NEDD4L: variants seen among roughly 807,000 people sequenced by gnomAD.
NEDD4L encodes the protein E3 ubiquitin-protein ligase NEDD4-like.
In NEDD4L, 54 loss-of-function variants were observed where a neutral mutation model predicts 148.9. The observed-to-expected ratio is 0.36, with a 90% CI of 0.29 to 0.45. The LOEUF (loss-of-function observed/expected upper bound fraction) is 0.45, where lower values mean the gene tolerates loss of function less well. Ranked by LOEUF, NEDD4L falls within the 20% of genes least tolerant of loss-of-function variation. The pLI is 1.00. For synonymous variants in NEDD4L, 433 were observed against 440.7 expected (o/e 0.98, Z 0.22); for missense variants, 856 against 1,233.8 (o/e 0.69, Z 4.59).
chr18:58,112,368 A>C (rs1599356161), intron 1 of NEDD4L, among the ~76,000 whole-genome samples: 2 of 69,276 alleles, frequency 2.9e-5, no homozygotes, highest in South Asian at 7.4e-4. Context: ...GTCTTTATTT[A>C]TTTATTTATT....
intron 2 of NEDD4L, among the ~76,000 whole-genome samples, chr18:58,178,401 G>A (rs990074828): frequency 5.9e-5 from 9 of 152,064 alleles, no homozygotes; most frequent in Non-Finnish European, 1.2e-4. Context: ...AAAAATGAAT[G>A]CAATTGTGAA....
intron 30 of NEDD4L, among the ~76,000 whole-genome samples, chr18:58,395,391 A>C (rs2050353447): frequency 6.6e-6 from 1 of 152,108 alleles, no homozygotes; most frequent in Non-Finnish European, 1.5e-5. Context: ...GATCCGATCC[A>C]CTTGGCACTC....
chr18:58,252,984 C>G (rs1221465754), intron 5 of NEDD4L, among the ~76,000 whole-genome samples: 1 of 152,200 alleles, frequency 6.6e-6, no homozygotes, highest in Non-Finnish European at 1.5e-5. Flanking sequence ...AAAATGAACA[C>G]TATCATGTTA....
At chr18:58,239,287 A>G (rs12456898) in intron 2 of NEDD4L, among the ~76,000 whole-genome samples, 14,001 of 152,222 alleles carry the variant, frequency 0.092, 943 homozygotes, top group East Asian at 0.21. Flanking sequence ...TTACAGCAAA[A>G]AGTTATTGCT....
chr18:58,221,408 CG>C (rs1247574118), intron 2 of NEDD4L: 3 of 245,770 alleles, frequency 1.2e-5, no homozygotes, highest in African/African-American at 6.9e-5. Flanking sequence ...GATAAGGCCC[CG>C]GGTGATGATG....
At chr18:58,309,695 G>C (rs1469727308) in intron 5 of NEDD4L, among the ~76,000 whole-genome samples, 1 of 145,382 alleles carries the variant, frequency 6.9e-6, no homozygotes, top group Admixed American at 6.9e-5. Flanking sequence ...TGCTCCTCCT[G>C]CAAAAAAAAA....
intron 19 of NEDD4L, among the ~76,000 whole-genome samples, chr18:58,362,172 G>A (rs1352754373): frequency 6.6e-6 from 1 of 152,206 alleles, no homozygotes; most frequent in Non-Finnish European, 1.5e-5. Context: ...AAGGGAACGG[G>A]CATCATAGGC....
In NEDD4L at chr18:58,338,397, TAC is replaced by T. The variant is rs199529490; in HGVS notation, c.1126-2639_1126-2638del. On this transcript the variant is annotated intron_variant, in intron 13 of 30. Coordinates refer to ENST00000400345, the MANE Select transcript of NEDD4L (RefSeq NM_001144967.3). ...GTGCAGGGTGGGAGGCAGTGTGAGT[TAC>T]AAATGGAATCATCAGCACAAGTTGT... Among the ~76,000 whole-genome samples the T allele has an allele frequency of 4.6e-3, 695 of 152,320 alleles. 6 individuals are homozygous for T. Among genetic ancestry groups the T allele is most frequent in the African/African-American group, 0.016 (654 of 41,560 alleles).
intron 1 of NEDD4L, among the ~76,000 whole-genome samples, chr18:58,105,731 T>C (rs1046720963): frequency 9.2e-5 from 14 of 152,168 alleles, no homozygotes; most frequent in African/African-American, 3.4e-4. Context: ...ACTCCACACA[T>C]AATGGTTCAA....
intron 2 of NEDD4L, among the ~76,000 whole-genome samples, chr18:58,169,831 C>T (rs555084941): frequency 5.1e-4 from 77 of 152,286 alleles, no homozygotes; most frequent in South Asian, 1.7e-3. Flanking sequence ...CAGGCTGCTG[C>T]TCTGTCCCCC....
chr18:58,291,415 G>A (rs1018515653), intron 5 of NEDD4L, among the ~76,000 whole-genome samples: 4 of 152,196 alleles, frequency 2.6e-5, no homozygotes, highest in Admixed American at 2.0e-4. Context: ...GTGAAAATTG[G>A]TAAGCAATAT....
intron 22 of NEDD4L, among the ~76,000 whole-genome samples, chr18:58,368,346 T>A (rs35525973): frequency 0.011 from 1,693 of 152,322 alleles, 15 homozygotes; most frequent in South Asian, 0.031. Flanking sequence ...AATAATTTCA[T>A]TCTTATTTAA....
intron 1 of NEDD4L, chr18:58,046,154 T>C (rs1427846583): frequency 6.6e-6 from 1 of 152,240 alleles, no homozygotes; most frequent in Non-Finnish European, 1.5e-5. Context: ...GTGTGATTTG[T>C]GTGTTTATTT....
At chr18:58,044,941 C>A in intron 1 of NEDD4L, 1 of 465,646 alleles carries the variant, frequency 2.1e-6, no homozygotes, top group Non-Finnish European at 3.8e-6. Flanking sequence ...GCCCTTGGAG[C>A]TGGGGGTTCA....
Position 58,166,471 on chromosome 18 carries a change from G to A in NEDD4L, c.122+610G>A, listed in dbSNP as rs1055765467. Among the ~76,000 whole-genome samples, 3 of 152,220 alleles carry A rather than the reference G, an allele frequency of 2.0e-5. No individual in the cohort carries two copies. The East Asian group carries it at 5.8e-4, about 29-fold the overall frequency. On this transcript the variant is annotated intron_variant, in intron 2 of 30. Coordinates refer to ENST00000400345, the MANE Select transcript of NEDD4L (RefSeq NM_001144967.3). ...GTTGCATGAAGTTATTGGACTGGGA[G>A]CAGGGTGAGGGTAGCCGTAGAGCCA...
At chr18:58,192,047 T>G (rs1165839903) in intron 2 of NEDD4L, among the ~76,000 whole-genome samples, 1 of 152,202 alleles carries the variant, frequency 6.6e-6, no homozygotes. Context: ...GGCATGCACC[T>G]GTAGTCCCAG....
In NEDD4L at chr18:58,044,684, G is replaced by C; in HGVS notation, c.24G>C (p.Pro8=). 6.2e-7 allele frequency: 1 copy of C among 1,606,382 alleles called. No homozygotes were observed. The highest frequency in any genetic ancestry group is 8.5e-7 in the Non-Finnish European group (1 of 1,176,592). Residue 8 remains proline (P), a synonymous_variant, in exon 1 of 31, where the codon CCG becomes CCC. Transcript: ENST00000400345. Reference sequence around the variant, plus strand: ...CCATGGCGACCGGGCTCGGGGAGCCGGTCTATGGACTTTCCGAAGACGAGG... The same window carrying C: ...CCATGGCGACCGGGCTCGGGGAGCCCGTCTATGGACTTTCCGAAGACGAGG... The part of the protein sequence containing the change: MATGLGE[P]VYGLSEDEGE...
chr18:58,307,093 C>A (rs1274689439), intron 5 of NEDD4L, among the ~76,000 whole-genome samples: 1 of 152,176 alleles, frequency 6.6e-6, no homozygotes, highest in African/African-American at 2.4e-5. Flanking sequence ...GTGATTTCAG[C>A]CAAAATATGG....
intron 5 of NEDD4L, 23 bp downstream of exon 5, chr18:58,252,077 AT>A: frequency 6.7e-7 from 1 of 1,489,256 alleles, no homozygotes; most frequent in African/African-American, 1.4e-5. Flanking sequence ...CTGTATTTGA[AT>A]TTTGCTTCAT....
Sources: allele counts gnomAD v4.1 joint callset (sites outside exome capture counted in the v4.1 genomes callset), GRCh38; gene constraint gnomAD v4.1.1; transcripts MANE v1.5; gene names NCBI Gene and HGNC (gene_info 2026-07-23, HGNC 2026-07-21).